PLCE1: variants seen among roughly 807,000 people sequenced by gnomAD.
PLCE1 encodes the protein phospholipase C epsilon 1.
PLCE1 carries 119 observed loss-of-function variants against 242.8 expected under a neutral mutation model. The ratio of observed to expected loss-of-function variants is 0.49; its 90% CI spans 0.42 to 0.57. PLCE1 has a LOEUF of 0.57. PLCE1 is among the 20% of genes least tolerant of loss of function. The probability of loss-of-function intolerance (pLI) is 0.00; values close to 1 mark genes in which losing one functional copy is unlikely to be tolerated. For synonymous variants in PLCE1, 945 were observed against 1,017.4 expected (o/e 0.93, Z 1.35); for missense variants, 2,441 against 2,788.8 (o/e 0.88, Z 2.81).
intron 1 of PLCE1, among the ~76,000 whole-genome samples, chr10:94,009,311 C>G (rs1239518767): frequency 6.6e-6 from 1 of 152,058 alleles, no homozygotes; most frequent in Admixed American, 6.5e-5. Context: ...AGAACTCACT[C>G]ATCACCAAGG....
intron 4 of PLCE1, among the ~76,000 whole-genome samples, chr10:94,215,488 C>A (rs2136998748): frequency 6.6e-6 from 1 of 152,178 alleles, no homozygotes; most frequent in East Asian, 1.9e-4. Context: ...CACAGAGGAC[C>A]CATTAATTAT....
At chr10:94,257,845 T>C (rs1037504138) in intron 11 of PLCE1, among the ~76,000 whole-genome samples, 4 of 152,110 alleles carry the variant, frequency 2.6e-5, no homozygotes, top group African/African-American at 9.7e-5. Flanking sequence ...GGGTGCAGCA[T>C]ACCAACATGG....
At chr10:94,209,535 C>A (rs148760976) in intron 4 of PLCE1, among the ~76,000 whole-genome samples, 16 of 152,204 alleles carry the variant, frequency 1.1e-4, no homozygotes, top group Admixed American at 4.6e-4. Flanking sequence ...ATAAAAATAT[C>A]CTTTACAAAT....
At chr10:94,089,392 G>A in intron 2 of PLCE1, 1 of 1,557,670 alleles carries the variant, frequency 6.4e-7, no homozygotes, top group Non-Finnish European at 8.7e-7. Flanking sequence ...GGTTCTTGTT[G>A]TCTAAGAAAT....
chr10:94,182,346 A>C (rs2048340442), intron 4 of PLCE1, among the ~76,000 whole-genome samples: 1 of 151,774 alleles, frequency 6.6e-6, no homozygotes, highest in South Asian at 2.1e-4. Context: ...GGCTCACTAC[A>C]ACCTCCGCCT....
intron 1 of PLCE1, among the ~76,000 whole-genome samples, chr10:94,027,861 A>T (rs961437840): frequency 9.9e-5 from 15 of 151,842 alleles, no homozygotes; most frequent in African/African-American, 3.6e-4. Flanking sequence ...GATAAAAAAT[A>T]AAAAATGAAA....
intron 32 of PLCE1, chr10:94,325,328 G>A (rs1207692476): frequency 2.2e-6 from 1 of 450,662 alleles, no homozygotes; most frequent in Non-Finnish European, 4.1e-6. Context: ...GCTGGGCGTG[G>A]TGGCGCATGC....
chr10:94,280,608 G>A (rs995252725), intron 20 of PLCE1: 8 of 152,418 alleles, frequency 5.2e-5, no homozygotes, highest in African/African-American at 1.2e-4. Context: ...GCTGATAGTA[G>A]ACTGTTTCAT....
chr10:94,141,057 A>G (rs1387249068), intron 3 of PLCE1, among the ~76,000 whole-genome samples: 2 of 152,244 alleles, frequency 1.3e-5, no homozygotes, highest in Non-Finnish European at 2.9e-5. Flanking sequence ...GGTCTACTGA[A>G]GGAGCCCTTA....
intron 2 of PLCE1, among the ~76,000 whole-genome samples, chr10:94,073,702 C>G (rs994336627): frequency 6.6e-6 from 1 of 152,182 alleles, no homozygotes; most frequent in African/African-American, 2.4e-5. Context: ...AATCATGACA[C>G]TTGTTTTTCA....
rs149226921 is a variant in PLCE1, at chr10:94,290,691, A to T, written c.5036-2817A>T. Among the ~76,000 whole-genome samples the T allele has an allele frequency of 8.8e-3, 1,329 of 151,544 alleles. 27 individuals are homozygous for T. Among genetic ancestry groups the T allele is most frequent in the African/African-American group, 0.029 (1,195 of 41,406 alleles). ...TAACATATATATATATATGTAACTT[A>T]AAAAAAAGTATATATATATATACAC... On this transcript the variant is annotated intron_variant, in intron 22 of 32. Transcript: ENST00000371380.
At chr10:94,194,950 A>G (rs2048773768) in intron 4 of PLCE1, among the ~76,000 whole-genome samples, 1 of 152,160 alleles carries the variant, frequency 6.6e-6, no homozygotes, top group Non-Finnish European at 1.5e-5. Context: ...TGGGGGAAAC[A>G]GGGGCCACCA....
chr10:94,163,732 A>G (rs184125544), intron 3 of PLCE1, among the ~76,000 whole-genome samples: 5 of 152,242 alleles, frequency 3.3e-5, no homozygotes, highest in Admixed American at 6.5e-5. Flanking sequence ...TCGTTACTTG[A>G]TGCGGTTTCT....
At chr10:94,085,698 C>T (rs965209130) in intron 2 of PLCE1, among the ~76,000 whole-genome samples, 1 of 152,178 alleles carries the variant, frequency 6.6e-6, no homozygotes, top group African/African-American at 2.4e-5. Context: ...TAAATAGTTC[C>T]CATGGAATAT....
intron 22 of PLCE1, among the ~76,000 whole-genome samples, chr10:94,289,607 G>T (rs900877120): frequency 1.3e-5 from 2 of 152,144 alleles, no homozygotes; most frequent in African/African-American, 2.4e-5. Context: ...CACTGAATAC[G>T]GTAGGTAAGT....
At chr10:94,159,026 C>A (rs1318172337) in intron 3 of PLCE1, among the ~76,000 whole-genome samples, 1 of 151,804 alleles carries the variant, frequency 6.6e-6, no homozygotes, top group East Asian at 1.9e-4. Context: ...CACGTTTTCA[C>A]AGTGAGCATG....
chr10:94,114,401 A>G (rs1441594534), intron 2 of PLCE1, among the ~76,000 whole-genome samples: 1 of 152,216 alleles, frequency 6.6e-6, no homozygotes, highest in Non-Finnish European at 1.5e-5. Context: ...TCTCAGGCTA[A>G]CAGTCTGATC....
At chr10:94,087,808 C>T (rs1315331824) in intron 2 of PLCE1, among the ~76,000 whole-genome samples, 2 of 152,194 alleles carry the variant, frequency 1.3e-5, no homozygotes, top group Non-Finnish European at 2.9e-5. Flanking sequence ...TGGTTCATGA[C>T]AGAACTGGGC....
chr10:94,313,502 T>C, intron 28 of PLCE1, 120 bp downstream of exon 28: 1 of 1,087,524 alleles, frequency 9.2e-7, no homozygotes, highest in South Asian at 1.3e-5. Flanking sequence ...AAAGTCCATG[T>C]GGATGATATG....
Sources: gnomAD v4.1 joint callset for allele counts (sites outside exome capture counted in the v4.1 genomes callset) on GRCh38, gnomAD v4.1.1 for gene constraint, MANE v1.5 for transcripts, NCBI Gene and HGNC (gene_info 2026-07-23, HGNC 2026-07-21) for gene names.